The following METTL8 variants were observed in gnomAD, a reference collection of about 807,000 sequenced individuals.
METTL8 encodes methyltransferase 8, tRNA N3-cytidine, also known as tRNA N(3)-cytidine methyltransferase METTL8, mitochondrial.
In METTL8, 32 loss-of-function variants were observed where a neutral mutation model predicts 48.7. That is an observed-to-expected ratio of 0.66 (90% CI 0.50 to 0.88). The LOEUF (loss-of-function observed/expected upper bound fraction) is 0.88, where lower values mean the gene tolerates loss of function less well. Among genes scored for constraint, METTL8 ranks in the 40% least tolerant of loss-of-function variants. METTL8 has a pLI of 0.00. For synonymous variants in METTL8, 136 were observed against 157.1 expected (o/e 0.87, Z 1.01); for missense variants, 464 against 474.4 (o/e 0.98, Z 0.20).
chr2:171,341,311 G>C (rs892875121), intron 3 of METTL8, among the ~76,000 whole-genome samples: 1 of 147,602 alleles, frequency 6.8e-6, no homozygotes, highest in African/African-American at 2.5e-5. Flanking sequence ...CTGGGCCATA[G>C]AGCAAGACTC....
chr2:171,426,218 G>A (rs1023783645), intron 1 of METTL8, among the ~76,000 whole-genome samples: 1 of 151,644 alleles, frequency 6.6e-6, no homozygotes, highest in African/African-American at 2.4e-5. Context: ...AGTAGAAAGG[G>A]GATAAATTAA....
At chr2:171,328,691 A>G (rs575976477) in intron 7 of METTL8, among the ~76,000 whole-genome samples, 1 of 151,828 alleles carries the variant, frequency 6.6e-6, no homozygotes, top group Admixed American at 6.6e-5. Flanking sequence ...TTGTATTTTT[A>G]TCATTTATTT....
At chr2:171,390,036 T>C (rs551528899) in intron 2 of METTL8, among the ~76,000 whole-genome samples, 3 of 152,318 alleles carry the variant, frequency 2.0e-5, no homozygotes, top group East Asian at 3.9e-4. Context: ...GCTAAGGCAG[T>C]TGGTGACTTT....
intron 1 of METTL8, among the ~76,000 whole-genome samples, chr2:171,430,709 A>G (rs1172761337): frequency 6.6e-6 from 1 of 152,128 alleles, no homozygotes; most frequent in Non-Finnish European, 1.5e-5. Flanking sequence ...AATCCTAGGC[A>G]GATGGGGGTG....
chr2:171,380,488 A>G (rs1687408466), intron 2 of METTL8, among the ~76,000 whole-genome samples: 1 of 152,204 alleles, frequency 6.6e-6, no homozygotes, highest in South Asian at 2.1e-4. Flanking sequence ...ATGATCCTAT[A>G]TTTAGAAAAC....
chr2:171,358,636 T>A (rs1684837984), intron 3 of METTL8, among the ~76,000 whole-genome samples: 1 of 152,120 alleles, frequency 6.6e-6, no homozygotes, highest in Non-Finnish European at 1.5e-5. Flanking sequence ...AGATTCTTAT[T>A]TACTATATAT....
At chr2:171,351,366 G>C (rs980480308) in intron 3 of METTL8, among the ~76,000 whole-genome samples, 3 of 152,028 alleles carry the variant, frequency 2.0e-5, no homozygotes, top group East Asian at 1.9e-4. Flanking sequence ...GTTACTGTAG[G>C]CTTGTAGTAT....
chr2:171,360,606 C>A, intron 2 of METTL8, 93 bp from the exon 3 acceptor site: 1 of 1,067,348 alleles, frequency 9.4e-7, no homozygotes, highest in Non-Finnish European at 1.4e-6. Flanking sequence ...TCTAGATTAG[C>A]TGAAGACATA....
At chr2:171,430,061 A>G (rs79235462) in intron 1 of METTL8, among the ~76,000 whole-genome samples, 2 of 150,768 alleles carry the variant, frequency 1.3e-5, no homozygotes, top group African/African-American at 2.5e-5. Flanking sequence ...AAAAAAAAAA[A>G]GGAATTCTGC....
intron 1 of METTL8, among the ~76,000 whole-genome samples, chr2:171,406,361 A>G (rs1331131972): frequency 6.6e-6 from 1 of 152,206 alleles, no homozygotes; most frequent in Non-Finnish European, 1.5e-5. Flanking sequence ...TGAAAGCTAT[A>G]TTGGTCAGCT....
chr2:171,355,466 G>A (rs1470336573), intron 3 of METTL8, among the ~76,000 whole-genome samples: 1 of 152,182 alleles, frequency 6.6e-6, no homozygotes, highest in Non-Finnish European at 1.5e-5. Flanking sequence ...CAAACTCTGT[G>A]CTGGGAGAAC....
chr2:171,363,796 A>ATATATATATATATATATATATG (rs1019814294), intron 2 of METTL8, among the ~76,000 whole-genome samples: 14 of 117,388 alleles, frequency 1.2e-4, no homozygotes, highest in African/African-American at 2.8e-4. Context: ...CAAATTTTAT[A>ATATATATATATATATATATATG]TATATATATA....
Position 171,317,711 on chromosome 2 carries a change from T to A in METTL8, c.*6461A>T, listed in dbSNP as rs1290480410. On this transcript the variant is annotated 3_prime_UTR_variant, in exon 10 of 10. Coordinates refer to ENST00000375258, the MANE Select transcript of METTL8 (RefSeq NM_001321154.2). ...GACACTGTAGAATCAGAAGCTGTTG[T>A]TTTAAACTCTTGGCCAAGTAGCAGT... The A allele has an allele frequency of 6.6e-6, 1 of 152,222 alleles. No individual in the cohort carries two copies. The highest frequency in any genetic ancestry group is 6.5e-5 in the Admixed American group (1 of 15,276). 9.4% of individuals were successfully genotyped at this position (152,222 alleles called of 1,614,324 possible).
At chr2:171,383,844 A>T (rs1357961251) in intron 2 of METTL8, among the ~76,000 whole-genome samples, 1 of 152,242 alleles carries the variant, frequency 6.6e-6, no homozygotes, top group Non-Finnish European at 1.5e-5. Flanking sequence ...GGCAAAATGT[A>T]AAATGGTTCA....
intron 2 of METTL8, chr2:171,375,023 T>C (rs1337153258): frequency 2.9e-6 from 3 of 1,034,720 alleles, no homozygotes; most frequent in African/African-American, 1.6e-5. Context: ...CGAGATCGAT[T>C]CCTGACTACT....
chr2:171,347,181 G>C (rs1234291264), intron 3 of METTL8, among the ~76,000 whole-genome samples: 1 of 152,160 alleles, frequency 6.6e-6, no homozygotes, highest in Non-Finnish European at 1.5e-5. Flanking sequence ...TTTGTTCTGT[G>C]TCTCTGCAGC....
intron 2 of METTL8, among the ~76,000 whole-genome samples, chr2:171,365,536 C>A (rs999814835): frequency 1.3e-5 from 2 of 152,152 alleles, no homozygotes; most frequent in Non-Finnish European, 2.9e-5. Flanking sequence ...CTTTTAAACT[C>A]TTATTCAGTT....
In METTL8 at chr2:171,319,521, C is replaced by G. The variant is rs1322739532; in HGVS notation, c.*4651G>C. ...GTTTTGCCTCCAAGAGGGCAGCTATCTGCATATGGGTGAATTTTCACGTAC... is the reference window on the plus strand; with the variant it reads ...GTTTTGCCTCCAAGAGGGCAGCTATGTGCATATGGGTGAATTTTCACGTAC... On this transcript the variant is annotated 3_prime_UTR_variant, in exon 10 of 10. Transcript: ENST00000375258. The G allele has an allele frequency of 6.6e-6, 1 of 152,220 alleles. No homozygotes were observed. The highest frequency in any genetic ancestry group is 2.4e-5 in the African/African-American group (1 of 41,464). 9.4% of individuals were successfully genotyped at this position (152,220 alleles called of 1,614,324 possible). A position where few individuals can be genotyped will look rare whatever the true frequency, so the allele number is the denominator to read the frequency against.
intron 1 of METTL8, among the ~76,000 whole-genome samples, chr2:171,417,266 G>A (rs866764209): frequency 1.3e-5 from 2 of 152,118 alleles, no homozygotes; most frequent in African/African-American, 2.4e-5. Flanking sequence ...TTATAATCTC[G>A]ATGATTTTCC....
Sources: gnomAD v4.1 joint callset for allele counts (sites outside exome capture counted in the v4.1 genomes callset) on GRCh38, gnomAD v4.1.1 for gene constraint, MANE v1.5 for transcripts, NCBI Gene and HGNC (gene_info 2026-07-23, HGNC 2026-07-21) for gene names.